ST8SIA6: variants seen among roughly 807,000 people sequenced by gnomAD.
ST8SIA6 encodes ST8 alpha-N-acetyl-neuraminide alpha-2,8-sialyltransferase 6, also known as alpha-2,8-sialyltransferase 8F.
In ST8SIA6, 39 loss-of-function variants were observed where a neutral mutation model predicts 33.6. The observed-to-expected ratio is 1.16, with a 90% CI of 0.90 to 1.52. ST8SIA6 has a LOEUF of 1.52. Among genes scored for constraint, ST8SIA6 ranks in the 40% most tolerant of loss-of-function variants. The probability of loss-of-function intolerance (pLI) is 0.00; values close to 1 mark genes in which losing one functional copy is unlikely to be tolerated. For missense variants in ST8SIA6, 441 were observed against 443.8 expected (o/e 0.99, Z 0.06); for synonymous variants, 172 against 167.2 (o/e 1.03, Z -0.22).
intron 2 of ST8SIA6, among the ~76,000 whole-genome samples, chr10:17,419,010 A>AAAAG (rs1554800345): frequency 6.7e-6 from 1 of 150,186 alleles, no homozygotes; most frequent in South Asian, 2.1e-4. Flanking sequence ...AAAAAAAAAA[A>AAAAG]AAAAAGAAAA....
chr10:17,328,379 C>A, intron 5 of ST8SIA6, among the ~76,000 whole-genome samples: 1 of 152,242 alleles, frequency 6.6e-6, no homozygotes, highest in South Asian at 2.1e-4. Flanking sequence ...TAGGACCTGG[C>A]CTGCTTACCC....
At chr10:17,326,711 C>G (rs534101324) in intron 6 of ST8SIA6, among the ~76,000 whole-genome samples, 1 of 152,160 alleles carries the variant, frequency 6.6e-6, no homozygotes, top group East Asian at 1.9e-4. Context: ...TGGAGTCCTC[C>G]CAAGGTAGCC....
chr10:17,402,237 T>C (rs1851073634), intron 2 of ST8SIA6, among the ~76,000 whole-genome samples: 1 of 152,162 alleles, frequency 6.6e-6, no homozygotes, highest in Admixed American at 6.5e-5. Context: ...AGACACCATC[T>C]CACACCAGTT....
chr10:17,354,265 A>G (rs1205319834), intron 4 of ST8SIA6, among the ~76,000 whole-genome samples: 1 of 152,150 alleles, frequency 6.6e-6, no homozygotes, highest in Non-Finnish European at 1.5e-5. Flanking sequence ...TTATTCTCAA[A>G]TAGCTGAGTG....
chr10:17,354,994 C>A (rs1383931988), intron 4 of ST8SIA6, among the ~76,000 whole-genome samples: 1 of 152,098 alleles, frequency 6.6e-6, no homozygotes, highest in Admixed American at 6.5e-5. Context: ...CTCAGACCCA[C>A]AATTAAGTGC....
chr10:17,328,662 T>G (rs796833428), intron 5 of ST8SIA6, among the ~76,000 whole-genome samples: 52 of 152,354 alleles, frequency 3.4e-4, no homozygotes, highest in African/African-American at 1.2e-3. Context: ...CTCCTGATCT[T>G]GTGTAGTGCA....
chr10:17,374,864 AGT>A (rs1385746770), intron 3 of ST8SIA6, among the ~76,000 whole-genome samples: 1 of 151,324 alleles, frequency 6.6e-6, no homozygotes, highest in Non-Finnish European at 1.5e-5. Flanking sequence ...CTAAGAATGT[AGT>A]GTGTTGGTAT....
chr10:17,330,159 T>C (rs569825969), intron 5 of ST8SIA6, among the ~76,000 whole-genome samples: 1 of 152,172 alleles, frequency 6.6e-6, no homozygotes, highest in African/African-American at 2.4e-5. Flanking sequence ...AAAATCAGTA[T>C]AAATTTGGAA....
intron 3 of ST8SIA6, among the ~76,000 whole-genome samples, chr10:17,360,253 A>C (rs10508524): frequency 0.18 from 27,379 of 152,086 alleles, 2,607 homozygotes; most frequent in South Asian, 0.22. Context: ...TTGAAATGCA[A>C]GTATCCCTTT....
chr10:17,369,691 C>CTTTA (rs74312606), intron 3 of ST8SIA6, among the ~76,000 whole-genome samples: 56,207 of 151,784 alleles, frequency 0.37, 10,611 homozygotes, highest in East Asian at 0.6. Context: ...TTGTTTCTCT[C>CTTTA]TTTGCTTCAT....
chr10:17,428,086 A>G (rs1851991532), intron 2 of ST8SIA6, among the ~76,000 whole-genome samples: 1 of 152,260 alleles, frequency 6.6e-6, no homozygotes, highest in African/African-American at 2.4e-5. Context: ...GTTAACTTTT[A>G]GTCTTATCTC....
At position 17,390,626 on chromosome 10, in the gene ST8SIA6, T is replaced by A. The variant is rs371876195; in HGVS notation, c.201-6A>T. On this transcript the variant is annotated splice_region_variant and splice_polypyrimidine_tract_variant and intron_variant, in intron 2 of 7. Coordinates refer to ENST00000377602, the MANE Select transcript of ST8SIA6 (RefSeq NM_001004470.3). ...ACTTCTCATTCAGATATGTGCTGTT[T>A]CATGAAAGAGATTTTTAAAAAGATT... 3.7e-6 allele frequency: 6 copies of A among 1,601,848 alleles called. No individual in the cohort carries two copies. The highest frequency in any genetic ancestry group is 5.1e-6 in the Non-Finnish European group (6 of 1,174,554).
intron 4 of ST8SIA6, among the ~76,000 whole-genome samples, chr10:17,338,790 G>A (rs927685675): frequency 1.3e-5 from 2 of 152,292 alleles, no homozygotes; most frequent in East Asian, 1.9e-4. Context: ...CTCTTGCTGC[G>A]TTCTACCTTC....
chr10:17,371,828 G>C (rs927854307), intron 3 of ST8SIA6, among the ~76,000 whole-genome samples: 5 of 147,252 alleles, frequency 3.4e-5, no homozygotes, highest in Non-Finnish European at 6.0e-5. Context: ...AATGAGAAGG[G>C]AAAGCCACTG....
rs1052565704 is a variant in ST8SIA6, at chr10:17,317,554, C to G, written c.*3324G>C. Among the ~76,000 whole-genome samples the G allele has an allele frequency of 6.6e-6, 1 of 152,142 alleles. No homozygotes were observed. Among genetic ancestry groups the G allele is most frequent in the Non-Finnish European group, 1.5e-5 (1 of 68,024 alleles). ...GATAAATAAAATGTCTTGAAGATCACAATATATTATATATCACATCTTAAC... is the reference window on the plus strand; with the variant it reads ...GATAAATAAAATGTCTTGAAGATCAGAATATATTATATATCACATCTTAAC... On this transcript the variant is annotated 3_prime_UTR_variant, in exon 8 of 8. Transcript: ENST00000377602.
At chr10:17,403,550 C>G (rs564783806) in intron 2 of ST8SIA6, 1 of 152,124 alleles carries the variant, frequency 6.6e-6, no homozygotes, top group African/African-American at 2.4e-5. Context: ...GATTGTTCAC[C>G]GTCAGTTACA....
chr10:17,411,261 G>T (rs1166118894), intron 2 of ST8SIA6, among the ~76,000 whole-genome samples: 2 of 151,988 alleles, frequency 1.3e-5, no homozygotes, highest in Non-Finnish European at 2.9e-5. Flanking sequence ...TCGGCTCACT[G>T]CAACCTCTGC....
At chr10:17,350,607 C>T (rs1436867740) in intron 4 of ST8SIA6, among the ~76,000 whole-genome samples, 1 of 150,766 alleles carries the variant, frequency 6.6e-6, no homozygotes, top group South Asian at 2.1e-4. Context: ...ATTTCAGCCC[C>T]AATAGATTGG....
At chr10:17,333,690 T>TATATATAG (rs1848381258) in intron 4 of ST8SIA6, among the ~76,000 whole-genome samples, 3 of 39,168 alleles carry the variant, frequency 7.7e-5, no homozygotes, top group African/African-American at 1.6e-4. Flanking sequence ...TATATATATA[T>TATATATAG]ATATATATAT....
Sources: allele counts gnomAD v4.1 joint callset (sites outside exome capture counted in the v4.1 genomes callset), GRCh38; gene constraint gnomAD v4.1.1; transcripts MANE v1.5; gene names NCBI Gene and HGNC (gene_info 2026-07-23, HGNC 2026-07-21).